Variants in ZNF469 observed in about 807,000 individuals in gnomAD.
ZNF469 encodes zinc finger protein 469.
A neutral mutation model predicts 1.0 loss-of-function variants in ZNF469; 1 was observed. The observed-to-expected ratio is 1.00, with a 90% confidence interval of 0.35 to 4.73. The LOEUF is 4.73. Among genes scored for constraint, ZNF469 ranks in the 30% most tolerant of loss-of-function variants. The pLI, the probability that ZNF469 is intolerant of heterozygous loss-of-function variation, is 0.16. For synonymous variants in ZNF469, 2,703 were observed against 2,363.4 expected (o/e 1.14, Z -4.17); for missense variants, 6,100 against 5,356.3 (o/e 1.14, Z -4.33).
the ZNF469 span, among the ~76,000 whole-genome samples, chr16:88,191,272 A>G: frequency 1.3e-5 from 2 of 152,128 alleles, no homozygotes; most frequent in African/African-American, 2.4e-5. Flanking sequence ...CTTTTGGAAG[A>G]GTGAAGGGCA....
the ZNF469 span, among the ~76,000 whole-genome samples, chr16:88,334,146 C>G: frequency 3.9e-5 from 6 of 151,938 alleles, no homozygotes. Flanking sequence ...GGGAGGCAGG[C>G]GTGAAGCTAA....
At chr16:88,146,430 C>T in the ZNF469 span, among the ~76,000 whole-genome samples, 11 of 152,140 alleles carry the variant, frequency 7.2e-5, no homozygotes, top group South Asian at 6.2e-4. Flanking sequence ...GTGGCTGGAA[C>T]CTTCTTCCCT....
rs1028993119 is a variant in ZNF469 at position 88,434,555 on chromosome 16, C to T, written c.7085C>T (p.Ser2362Phe). 52 of 1,550,196 alleles carry T rather than the reference C, an allele frequency of 3.4e-5. No homozygotes were observed. The highest frequency in any genetic ancestry group is 4.2e-5 in the Non-Finnish European group (48 of 1,146,930). ...ACGCTACAGGGTGCAGGGCCGGACT[C>T]CCCCGCCTGCCTGGAAGGTGAGATG... ...PPTLQGAGPD[S>F]PACLEGEMGT... Residue 2362 changes from serine to phenylalanine, a missense_variant, in exon 3 of 3, where the codon TCC (serine) becomes TTC (phenylalanine). Transcript: ENST00000565624.
chr16:88,380,436 TACAC>T (rs138279728), upstream of ZNF469, among the ~76,000 whole-genome samples: 4 of 75,860 alleles, frequency 5.3e-5, no homozygotes, highest in African/African-American at 1.5e-4. Context: ...CATTCACACA[TACAC>T]AGTCACACAC....
chr16:88,138,916 T>G, the ZNF469 span, among the ~76,000 whole-genome samples: 2 of 152,232 alleles, frequency 1.3e-5, no homozygotes, highest in African/African-American at 4.8e-5. Flanking sequence ...TATTCGGCTA[T>G]TCACCATTCG....
At position 88,436,914 on chromosome 16, in the gene ZNF469, C is replaced by A; in HGVS notation, c.9444C>A (p.Cys3148Ter). The A allele has an allele frequency of 6.7e-7, 1 of 1,500,098 alleles. No homozygotes were observed. The highest frequency in any genetic ancestry group is 2.1e-5 in the Admixed American group (1 of 46,650). The allele number at this position is 1,500,098 out of a possible 1,614,324, so 92.9% of individuals were successfully genotyped here. A position where few individuals can be genotyped will look rare whatever the true frequency, so the allele number is the denominator to read the frequency against. ...CGCCGCCGCCCACCTGCTACATGTG[C>A]GTGGAGCGCAGGTTTGGCTCGCGGG... ...TPAPPPTCYM[C>*]VERRFGSREL... Residue 3148 changes from cysteine to a stop codon, truncating the protein, a stop_gained, in exon 3 of 3, where the codon TGC (cysteine) becomes TGA (stop). Coordinates refer to ENST00000565624, the MANE Select transcript of ZNF469 (RefSeq NM_001367624.2). LOFTEE classifies it low-confidence loss of function (END_TRUNC).
the ZNF469 span, among the ~76,000 whole-genome samples, chr16:88,143,032 G>A: frequency 2.0e-5 from 3 of 152,284 alleles, no homozygotes; most frequent in South Asian, 2.1e-4. Context: ...CCACCTCACC[G>A]GCCTGTGATT....
At chr16:88,401,530 G>A (rs1228611813) in intron 1 of ZNF469, among the ~76,000 whole-genome samples, 6 of 110,732 alleles carry the variant, frequency 5.4e-5, no homozygotes, top group South Asian at 2.9e-4. Flanking sequence ...TGGATGGATG[G>A]ATGCATGGGT....
At chr16:88,216,056 A>AT in the ZNF469 span, among the ~76,000 whole-genome samples, 151 of 150,340 alleles carry the variant, frequency 1.0e-3, no homozygotes, top group Non-Finnish European at 1.8e-3. Context: ...TCTCTTCCAT[A>AT]TTTTTTTTTG....
the ZNF469 span, among the ~76,000 whole-genome samples, chr16:88,330,406 T>C: frequency 6.6e-6 from 1 of 152,252 alleles, no homozygotes; most frequent in African/African-American, 2.4e-5. Flanking sequence ...TGAAAAGTCA[T>C]GCCCATTCAG....
the ZNF469 span, among the ~76,000 whole-genome samples, chr16:88,101,352 G>A: frequency 2.0e-5 from 3 of 152,264 alleles, no homozygotes; most frequent in African/African-American, 7.2e-5. Context: ...GGAAGAGTCC[G>A]CCTGCATCTT....
the ZNF469 span, among the ~76,000 whole-genome samples, chr16:88,254,830 C>G: frequency 1.3e-5 from 2 of 151,486 alleles, no homozygotes; most frequent in South Asian, 2.1e-4. Flanking sequence ...AACAGCTTAT[C>G]GACTTCCACA....
At chr16:88,322,174 C>A in the ZNF469 span, among the ~76,000 whole-genome samples, 1 of 152,206 alleles carries the variant, frequency 6.6e-6, no homozygotes, top group African/African-American at 2.4e-5. Flanking sequence ...GCATCTTCTC[C>A]CAGCCTCCGA....
the ZNF469 span, among the ~76,000 whole-genome samples, chr16:88,266,178 A>T: frequency 6.6e-6 from 1 of 152,388 alleles, no homozygotes; most frequent in East Asian, 1.9e-4. Flanking sequence ...TGTGAGGCTC[A>T]GGAGGGCAGG....
At chr16:88,307,354 A>G in the ZNF469 span, among the ~76,000 whole-genome samples, 7 of 152,366 alleles carry the variant, frequency 4.6e-5, no homozygotes, top group South Asian at 1.4e-3. Context: ...TAGAGTCCCC[A>G]GCTACAAGCA....
At chr16:88,172,446 C>G in the ZNF469 span, among the ~76,000 whole-genome samples, 8 of 152,060 alleles carry the variant, frequency 5.3e-5, no homozygotes, top group South Asian at 2.1e-4. Context: ...TTGGACCCAC[C>G]CTGACAACAT....
chr16:88,343,468 C>T, the ZNF469 span, among the ~76,000 whole-genome samples: 1 of 152,192 alleles, frequency 6.6e-6, no homozygotes, highest in Admixed American at 6.5e-5. Flanking sequence ...TTCCTAAGAG[C>T]AGAGTGTGTG....
At chr16:88,117,762 A>C in the ZNF469 span, among the ~76,000 whole-genome samples, 37 of 152,254 alleles carry the variant, frequency 2.4e-4, no homozygotes, top group Non-Finnish European at 4.9e-4. Flanking sequence ...AGTTTCTTGG[A>C]GCCCCGGTCG....
At chr16:88,415,819 A>T (rs914214783) in intron 1 of ZNF469, among the ~76,000 whole-genome samples, 1 of 152,204 alleles carries the variant, frequency 6.6e-6, no homozygotes, top group Non-Finnish European at 1.5e-5. Context: ...CAAGCCCCGC[A>T]TGATCATTGG....
Sources: allele counts gnomAD v4.1 joint callset (sites outside exome capture counted in the v4.1 genomes callset), GRCh38; gene constraint gnomAD v4.1.1; transcripts MANE v1.5; gene names NCBI Gene and HGNC (gene_info 2026-07-23, HGNC 2026-07-21).